THADA: variants seen among roughly 807,000 people sequenced by gnomAD.
THADA encodes the protein THADA armadillo repeat containing, also known as tRNA (32-2'-O)-methyltransferase regulator THADA.
THADA carries 213 observed loss-of-function variants against 219.8 expected under a neutral mutation model. That is an observed-to-expected ratio of 0.97 (90% CI 0.87 to 1.09). The LOEUF (loss-of-function observed/expected upper bound fraction) is 1.09. Among genes scored for constraint, THADA ranks in the 50% least tolerant of loss-of-function variants. The pLI is 0.00. For missense variants in THADA, 2,956 were observed against 2,311.3 expected, an observed-to-expected ratio of 1.28 and a Z score of -5.72; for synonymous variants, 1,018 against 828.9, an observed-to-expected ratio of 1.23 and a Z score of -3.92.
intron 30 of THADA, among the ~76,000 whole-genome samples, chr2:43,323,849 C>T (rs1353228777): frequency 6.6e-6 from 1 of 152,134 alleles, no homozygotes. Context: ...TAAGGAAGGG[C>T]ATTTGGAAAG....
At chr2:43,471,550 T>C (rs1573817611) in intron 26 of THADA, among the ~76,000 whole-genome samples, 1 of 152,108 alleles carries the variant, frequency 6.6e-6, no homozygotes, top group Middle Eastern at 3.4e-3. Context: ...AATAAAGTAA[T>C]ATAAAGAGTA....
intron 22 of THADA, among the ~76,000 whole-genome samples, chr2:43,523,592 T>C (rs1405800927): frequency 6.6e-6 from 1 of 152,208 alleles, no homozygotes; most frequent in Non-Finnish European, 1.5e-5. Context: ...TGAATTTGAA[T>C]CATGGTAGCT....
At chr2:43,412,196 T>C (rs924714546) in intron 28 of THADA, among the ~76,000 whole-genome samples, 5 of 152,138 alleles carry the variant, frequency 3.3e-5, no homozygotes, top group Non-Finnish European at 7.4e-5. Flanking sequence ...TTCAATCAAT[T>C]AACAAATTTA....
intron 25 of THADA, among the ~76,000 whole-genome samples, chr2:43,495,148 T>C (rs1688108909): frequency 6.6e-6 from 1 of 152,202 alleles, no homozygotes; most frequent in Non-Finnish European, 1.5e-5. Flanking sequence ...CTTTTGTAAA[T>C]TGTTTTTGTA....
Position 43,552,244 on chromosome 2 carries a change from C to T in THADA, c.2770G>A (p.Val924Ile). ...TGCAAAGCTCCTGTTATACAGTGGA[C>T]TCGCCCATACATTGGAAATGCTGCT... ...AAAAFPMYGR[V>I]HCITGALQKL... is the part of the protein sequence containing the mutation. Residue 924 changes from valine to isoleucine, a missense_variant, in exon 18 of 38, where the codon GTC becomes ATC. Coordinates refer to ENST00000405975, the MANE Select transcript of THADA (RefSeq NM_022065.5). The T allele has an allele frequency of 1.9e-6, 3 of 1,611,544 alleles. No homozygotes were observed. The highest frequency in any genetic ancestry group is 2.5e-6 in the Non-Finnish European group (3 of 1,179,278).
chr2:43,362,722 G>C lies in THADA; in HGVS notation c.4228-18485C>G, dbSNP rs1456010067. 2.0e-5 allele frequency among the ~76,000 whole-genome samples: 3 copies of C among 151,982 alleles called. No individual in the cohort carries two copies. In the East Asian group the frequency reaches 5.8e-4, roughly 29 times the overall value. On this transcript the variant is annotated intron_variant, in intron 29 of 37. Coordinates refer to ENST00000405975, the MANE Select transcript of THADA (RefSeq NM_022065.5). ...TTTCTTCAATAATACATTAACCTTA[G>C]TTTGCTCTAACATTTTTACCTTATC...
chr2:43,583,053 G>A (rs539277514), intron 7 of THADA, among the ~76,000 whole-genome samples: 22 of 151,924 alleles, frequency 1.4e-4, no homozygotes, highest in African/African-American at 5.3e-4. Flanking sequence ...ATCTCTTTTA[G>A]CTCATCAGCT....
chr2:43,289,702 A>C (rs1674462065), intron 34 of THADA, among the ~76,000 whole-genome samples: 1 of 152,110 alleles, frequency 6.6e-6, no homozygotes, highest in Admixed American at 6.5e-5. Flanking sequence ...CCCAGGCTGG[A>C]GTACAGTGAG....
chr2:43,462,796 A>C (rs1683791680), intron 26 of THADA, among the ~76,000 whole-genome samples: 1 of 152,204 alleles, frequency 6.6e-6, no homozygotes, highest in Non-Finnish European at 1.5e-5. Flanking sequence ...CAAAACAAAA[A>C]GCCATCTTTT....
chr2:43,247,827 G>A (rs1007614386), intron 36 of THADA, among the ~76,000 whole-genome samples: 1 of 149,766 alleles, frequency 6.7e-6, no homozygotes, highest in Non-Finnish European at 1.5e-5. Context: ...AGGATCACTT[G>A]AGCCCAGGAG....
intron 30 of THADA, among the ~76,000 whole-genome samples, chr2:43,342,121 G>A (rs1042345657): frequency 1.3e-4 from 20 of 152,090 alleles, no homozygotes; most frequent in African/African-American, 4.1e-4. Flanking sequence ...GGACTGAGGC[G>A]GAGGGATCAC....
chr2:43,568,112 A>G (rs1213816111), intron 14 of THADA, among the ~76,000 whole-genome samples: 2 of 152,136 alleles, frequency 1.3e-5, no homozygotes, highest in Non-Finnish European at 2.9e-5. Context: ...TAGCTGAGGA[A>G]CCTTACACAG....
chr2:43,584,455 G>A (rs1439604355), intron 7 of THADA, among the ~76,000 whole-genome samples: 1 of 152,086 alleles, frequency 6.6e-6, no homozygotes, highest in Non-Finnish European at 1.5e-5. Flanking sequence ...ATAAAAAGAA[G>A]AGCCAAAAAG....
intron 26 of THADA, among the ~76,000 whole-genome samples, chr2:43,431,763 C>T (rs1679345162): frequency 1.6e-5 from 1 of 62,812 alleles, no homozygotes; most frequent in Non-Finnish European, 2.8e-5. Context: ...CTCGCGGGTT[C>T]ACGCCATTCT....
intron 1 of THADA, 119 bp from the exon 2 acceptor site, chr2:43,592,535 C>T (rs1701686023): frequency 5.3e-6 from 3 of 570,184 alleles, no homozygotes; most frequent in South Asian, 2.8e-5. Context: ...TTTCATGCAT[C>T]CCCATCTCTA....
chr2:43,268,443 C>T (rs1229930357), intron 36 of THADA, among the ~76,000 whole-genome samples: 2 of 152,202 alleles, frequency 1.3e-5, no homozygotes, highest in Non-Finnish European at 2.9e-5. Context: ...CCCGCCACCA[C>T]CAGAGCCACT....
intron 29 of THADA, among the ~76,000 whole-genome samples, chr2:43,395,937 A>G (rs1673986330): frequency 6.6e-6 from 1 of 152,090 alleles, no homozygotes; most frequent in South Asian, 2.1e-4. Flanking sequence ...ATGTAATTTT[A>G]GTGGAGATGG....
At chr2:43,455,749 T>C (rs770371780) in intron 26 of THADA, among the ~76,000 whole-genome samples, 2 of 152,228 alleles carry the variant, frequency 1.3e-5, no homozygotes, top group Non-Finnish European at 2.9e-5. Flanking sequence ...CTTTCCACTA[T>C]GTAAATCTGA....
At chr2:43,329,789 C>T (rs1279460864) in intron 30 of THADA, among the ~76,000 whole-genome samples, 2 of 152,300 alleles carry the variant, frequency 1.3e-5, no homozygotes, top group South Asian at 4.1e-4. Flanking sequence ...GTGTTATATC[C>T]TGGTAGCCAG....
Sources: allele counts gnomAD v4.1 joint callset (sites outside exome capture counted in the v4.1 genomes callset), GRCh38; gene constraint gnomAD v4.1.1; transcripts MANE v1.5; gene names NCBI Gene and HGNC (gene_info 2026-07-23, HGNC 2026-07-21).